The following CNOT2 variants were observed in gnomAD, a reference collection of about 807,000 sequenced individuals.
The protein encoded by CNOT2 is CC chemokine receptor 4-negative regulator of transcription 2.
Under a neutral mutation model 72.1 loss-of-function variants are expected in CNOT2, and 7 were observed. That is an observed-to-expected ratio of 0.10 (90% CI 0.06 to 0.18). CNOT2 has a LOEUF of 0.18. Among genes scored for constraint, CNOT2 ranks in the 10% least tolerant of loss-of-function variants. The pLI, the probability that CNOT2 is intolerant of heterozygous loss-of-function variation, is 1.00. For synonymous variants in CNOT2, 196 were observed against 225.6 expected (o/e 0.87, Z 1.17); for missense variants, 345 against 660.3 (o/e 0.52, Z 5.23).
chr12:70,326,143 C>T (rs1879042982), intron 4 of CNOT2, among the ~76,000 whole-genome samples: 1 of 151,668 alleles, frequency 6.6e-6, no homozygotes, highest in African/African-American at 2.4e-5. Flanking sequence ...GTATAGTCCT[C>T]CTAATATTGT....
chr12:70,336,143 C>T (rs1270691734), intron 8 of CNOT2: 1 of 152,130 alleles, frequency 6.6e-6, no homozygotes, highest in Admixed American at 6.6e-5. Context: ...TCTATTGTGA[C>T]AGACACAAAT....
At chr12:70,304,031 C>T (rs1222219450) in intron 2 of CNOT2, among the ~76,000 whole-genome samples, 3 of 152,286 alleles carry the variant, frequency 2.0e-5, no homozygotes, top group East Asian at 1.9e-4. Flanking sequence ...GTCACGTTCT[C>T]GTGCCGTGGT....
intron 2 of CNOT2, among the ~76,000 whole-genome samples, chr12:70,307,339 T>C (rs1235686573): frequency 6.6e-6 from 1 of 152,232 alleles, no homozygotes; most frequent in Non-Finnish European, 1.5e-5. Context: ...TCTTCCCTTA[T>C]ATTCATACTT....
At chr12:70,283,686 A>G (rs11178169) in intron 2 of CNOT2, among the ~76,000 whole-genome samples, 36,082 of 148,982 alleles carry the variant, frequency 0.24, 5,275 homozygotes, top group East Asian at 0.68. Flanking sequence ...GCCTGAATCC[A>G]ATGAATTGGT....
intron 1 of CNOT2, among the ~76,000 whole-genome samples, chr12:70,257,844 A>T (rs1264731422): frequency 1.3e-5 from 2 of 152,166 alleles, no homozygotes; most frequent in African/African-American, 4.8e-5. Context: ...AATATGTTGG[A>T]TGTATGAAAA....
At chr12:70,351,161 A>G (rs1882815384) in intron 15 of CNOT2, among the ~76,000 whole-genome samples, 1 of 152,318 alleles carries the variant, frequency 6.6e-6, no homozygotes, top group East Asian at 1.9e-4. Flanking sequence ...CCTCTAATGT[A>G]TCATTTGATA....
chr12:70,352,369 AAT>A (rs1267582388), intron 15 of CNOT2, among the ~76,000 whole-genome samples: 2 of 152,186 alleles, frequency 1.3e-5, no homozygotes, highest in African/African-American at 4.8e-5. Context: ...CTGTATCTCT[AAT>A]TTTAGCACAT....
chr12:70,262,750 C>T (rs895171318), intron 1 of CNOT2, among the ~76,000 whole-genome samples: 9 of 151,374 alleles, frequency 5.9e-5, no homozygotes, highest in Non-Finnish European at 1.2e-4. Context: ...CTCGGCTCAC[C>T]GCAACCTCTA....
rs367636624 is a variant in CNOT2 at position 70,254,324 on chromosome 12, T to G, written c.-96+10844T>G. On this transcript the variant is annotated intron_variant, in intron 1 of 15. Transcript: ENST00000229195. ...CTCAAAACACCTCTTGTACTGTACT[T>G]CTTGTGATCTGTCAGTCTGATAATC... Among the ~76,000 whole-genome samples the G allele has an allele frequency of 9.2e-5, 14 of 152,152 alleles. No individual in the cohort carries two copies. In the East Asian group the frequency reaches 2.1e-3, roughly 23 times the overall value.
At chr12:70,317,843 G>A (rs1877620288) in intron 3 of CNOT2, among the ~76,000 whole-genome samples, 1 of 151,092 alleles carries the variant, frequency 6.6e-6, no homozygotes, top group Non-Finnish European at 1.5e-5. Context: ...CCCTTTAAAT[G>A]TTTTACCTCA....
chr12:70,254,107 A>G (rs1010745656), intron 1 of CNOT2, among the ~76,000 whole-genome samples: 3 of 151,904 alleles, frequency 2.0e-5, no homozygotes, highest in African/African-American at 7.3e-5. Flanking sequence ...GAGTGGTGGC[A>G]CGCGCCTGTA....
intron 11 of CNOT2, among the ~76,000 whole-genome samples, chr12:70,340,418 G>C (rs569997524): frequency 1.3e-5 from 2 of 151,702 alleles, no homozygotes. Context: ...TAGTCTTATT[G>C]TTTTAAATAC....
intron 2 of CNOT2, among the ~76,000 whole-genome samples, chr12:70,302,141 T>A (rs1429708914): frequency 6.6e-6 from 1 of 152,200 alleles, no homozygotes; most frequent in Non-Finnish European, 1.5e-5. Context: ...GTCTATCAAT[T>A]TTGTTGATCC....
intron 8 of CNOT2, 98 bp downstream of exon 8, chr12:70,335,661 C>T (rs1444321874): frequency 1.2e-6 from 1 of 828,886 alleles, no homozygotes; most frequent in African/African-American, 1.7e-5. Context: ...TGTGTGTGTA[C>T]ACATGTATGT....
intron 1 of CNOT2, among the ~76,000 whole-genome samples, chr12:70,273,984 T>G (rs962668661): frequency 2.6e-5 from 4 of 152,276 alleles, no homozygotes; most frequent in African/African-American, 9.6e-5. Flanking sequence ...TGTTTTTCTT[T>G]GTAGATATAG....
chr12:70,279,564 C>T (rs765407579), intron 2 of CNOT2, among the ~76,000 whole-genome samples: 2 of 152,148 alleles, frequency 1.3e-5, no homozygotes, highest in Non-Finnish European at 2.9e-5. Context: ...TCCTGCTTCC[C>T]ACCCACTTCC....
Position 70,344,037 on chromosome 12 carries a change from ATC to A in CNOT2, c.1291-86_1291-85del, listed in dbSNP as rs377340108. On this transcript the variant is annotated intron_variant, in intron 13 of 15. Transcript: ENST00000229195. The stretch of plus-strand genomic sequence containing the variant: ...ACTACAAAGTGGGGAGTTTCTGTTT[ATC>A]TCTCCATTTTTTCTTTAGTAGTAGC... 659 of 729,726 alleles carry A rather than the reference ATC, an allele frequency of 9.0e-4. 6 individuals carry two copies. In the African/African-American group the frequency reaches 0.01, roughly 12 times the overall value. The allele number at this position is 729,726 out of a possible 1,614,324, so 45.2% of individuals were successfully genotyped here.
intron 1 of CNOT2, chr12:70,244,163 T>A (rs1957749659): frequency 6.6e-6 from 1 of 152,330 alleles, no homozygotes; most frequent in Admixed American, 6.5e-5. Context: ...GCAACTGCGA[T>A]GCCGCCTCTG....
chr12:70,316,779 A>C (rs1208763249), intron 3 of CNOT2, among the ~76,000 whole-genome samples: 1 of 151,904 alleles, frequency 6.6e-6, no homozygotes, highest in Non-Finnish European at 1.5e-5. Context: ...CCACCTCTTT[A>C]CCTTCATGCT....
Sources: allele counts gnomAD v4.1 joint callset (sites outside exome capture counted in the v4.1 genomes callset), GRCh38; gene constraint gnomAD v4.1.1; transcripts MANE v1.5; gene names NCBI Gene and HGNC (gene_info 2026-07-23, HGNC 2026-07-21).